DNAJB14: variants seen among roughly 807,000 people sequenced by gnomAD.
The protein encoded by DNAJB14 is DnaJ heat shock protein family (Hsp40) member B14, also known as dnaJ homolog subfamily B member 14.
A neutral mutation model predicts 48.4 loss-of-function variants in DNAJB14; 22 were observed. The ratio of observed to expected loss-of-function variants is 0.45; its 90% CI spans 0.32 to 0.65. DNAJB14 has a LOEUF of 0.65. Ranked by LOEUF, DNAJB14 falls within the 30% of genes least tolerant of loss-of-function variation. The pLI is 0.03. For missense variants in DNAJB14, 319 were observed against 458.8 expected (o/e 0.70, Z 2.78); for synonymous variants, 142 against 158.7 (o/e 0.89, Z 0.79).
intron 4 of DNAJB14, among the ~76,000 whole-genome samples, chr4:99,908,234 A>G (rs1725534918): frequency 6.6e-6 from 1 of 152,188 alleles, no homozygotes; most frequent in Non-Finnish European, 1.5e-5. Flanking sequence ...CTTACTTTGT[A>G]TATAACCTAT....
rs2110187109 is a variant in DNAJB14 at position 99,896,946 on chromosome 4, C to CGTAA, written c.*4081_*4082insTTAC. 1.3e-5 allele frequency: 2 copies of CGTAA among 152,100 alleles called. No individual in the cohort carries two copies. Among genetic ancestry groups the CGTAA allele is most frequent in the Admixed American group, 1.3e-4 (2 of 15,300 alleles). The allele number at this position is 152,100 out of a possible 1,614,324, so 9.4% of individuals were successfully genotyped here. On this transcript the variant is annotated 3_prime_UTR_variant, in exon 8 of 8. Transcript: ENST00000442697. ...GACATTTCAAGAAATACTTCTTACC[C>CGTAA]CTATGTATTTCCAGATGGCTGGATA...
chr4:99,938,912 A>T (rs1726788710), intron 1 of DNAJB14, among the ~76,000 whole-genome samples: 1 of 152,206 alleles, frequency 6.6e-6, no homozygotes, highest in African/African-American at 2.4e-5. Context: ...TCAAGCATTT[A>T]TCATGATTTT....
intron 2 of DNAJB14, chr4:99,924,808 A>G (rs1726190488): frequency 1.3e-6 from 2 of 1,581,784 alleles, no homozygotes; most frequent in African/African-American, 2.7e-5. Flanking sequence ...TCCAATATCC[A>G]TAAAGCTCTG....
intron 3 of DNAJB14, among the ~76,000 whole-genome samples, chr4:99,911,933 G>A (rs1157854778): frequency 2.6e-5 from 4 of 152,020 alleles, no homozygotes; most frequent in Non-Finnish European, 2.9e-5. Context: ...CTGTGCTTTT[G>A]GGATTAAGTC....
chr4:99,939,661 TAC>T (rs1394713752), intron 1 of DNAJB14, among the ~76,000 whole-genome samples: 7 of 152,248 alleles, frequency 4.6e-5, no homozygotes, highest in Admixed American at 4.6e-4. Flanking sequence ...GAGCTCATAC[TAC>T]ACAGTCTTTG....
In DNAJB14 at chr4:99,924,077, C is replaced by T. The variant is rs112077518; in HGVS notation, c.306-892G>A. On this transcript the variant is annotated intron_variant, in intron 2 of 7. Transcript: ENST00000442697. ...ACTCTGAATGGAACAGAGAACATTACGTACATGTGGATGCCAACCTTCTTC... is the reference window on the plus strand; with the variant it reads ...ACTCTGAATGGAACAGAGAACATTATGTACATGTGGATGCCAACCTTCTTC... 1.4e-4 allele frequency among the ~76,000 whole-genome samples: 21 copies of T among 152,214 alleles called. 1 individual carries two copies. Among genetic ancestry groups the T allele is most frequent in the Admixed American group, 2.6e-4 (4 of 15,282 alleles).
intron 3 of DNAJB14, among the ~76,000 whole-genome samples, chr4:99,916,107 T>C (rs932277920): frequency 3.9e-5 from 6 of 152,204 alleles, no homozygotes; most frequent in African/African-American, 1.4e-4. Context: ...TATAGTGTTA[T>C]CAAATAATTT....
At chr4:99,935,795 C>T (rs865802059) in intron 1 of DNAJB14, among the ~76,000 whole-genome samples, 43 of 152,224 alleles carry the variant, frequency 2.8e-4, no homozygotes, top group Admixed American at 2.6e-3. Flanking sequence ...TGGCCAGGTG[C>T]GGTGGCTCAC....
At chr4:99,927,993 GA>G in intron 2 of DNAJB14, 1 of 152,082 alleles carries the variant, frequency 6.6e-6, no homozygotes, top group East Asian at 1.9e-4. Flanking sequence ...AAAGTATTTT[GA>G]AAACTTGGGG....
In DNAJB14 at chr4:99,897,197, A is replaced by T. The variant is rs1157629118; in HGVS notation, c.*3831T>A. On this transcript the variant is annotated 3_prime_UTR_variant, in exon 8 of 8. Transcript: ENST00000442697. ...GAGGTAATTAGCTGGGAAAAAAAAA[A>T]AAAAATATATATATATATATATACA... 13 of 137,462 alleles carry T rather than the reference A, an allele frequency of 9.5e-5. No homozygotes were observed. Among genetic ancestry groups the T allele is most frequent in the Non-Finnish European group, 1.4e-4 (9 of 64,946 alleles). 8.5% of individuals were successfully genotyped at this position (137,462 alleles called of 1,614,324 possible). A position where few individuals can be genotyped will look rare whatever the true frequency, so the allele number is the denominator to read the frequency against.
rs148912535 is a variant in DNAJB14, at chr4:99,897,219, T to TATATATATAC, written c.*3808_*3809insGTATATATAT. The TATATATATAC allele has an allele frequency of 6.8e-6, 1 of 146,124 alleles. No homozygotes were observed. The highest frequency in any genetic ancestry group is 1.5e-5 in the Non-Finnish European group (1 of 66,660). 9.1% of individuals were successfully genotyped at this position (146,124 alleles called of 1,614,324 possible). On this transcript the variant is annotated 3_prime_UTR_variant, in exon 8 of 8. Coordinates refer to ENST00000442697, the MANE Select transcript of DNAJB14 (RefSeq NM_001031723.4). ...AAAAAAAAATATATATATATATATA[T>TATATATATAC]ACACCTATACATAGACACATCCACA...
chr4:99,940,800 A>C (rs1171293930), intron 1 of DNAJB14, among the ~76,000 whole-genome samples: 1 of 152,004 alleles, frequency 6.6e-6, no homozygotes, highest in Non-Finnish European at 1.5e-5. Context: ...CATATTAGAG[A>C]TATCACCTTA....
intron 1 of DNAJB14, among the ~76,000 whole-genome samples, chr4:99,946,220 G>C (rs1190550944): frequency 6.6e-6 from 1 of 152,220 alleles, no homozygotes; most frequent in African/African-American, 2.4e-5. Context: ...GGCGGGTGCA[G>C]AGGAACCTCG....
rs768922008 is a variant in DNAJB14, at chr4:99,930,517, C to G, written c.238G>C (p.Asp80His). Residue 80 changes from aspartate (D) to histidine (H), a missense_variant, in exon 2 of 8, where the codon GAC (aspartate) becomes CAC (histidine). Asp to His is a moderately conservative substitution (Grantham distance 81, BLOSUM62 -1). This residue lies in a region of DNAJB14 where 116 missense variants were observed against 134.6 expected (regional missense o/e 0.86). Coordinates refer to ENST00000442697, the MANE Select transcript of DNAJB14 (RefSeq NM_001031723.4). The stretch of plus-strand genomic sequence containing the variant: ...CCTTCACCACTACCAGATGTGCTGT[C>G]CTTTGTGCAATTAGGCTTGCTTTGA... ...GDQSKPNCTK[D>H]STSGSGEGGK... 2.5e-6 allele frequency: 4 copies of G among 1,613,104 alleles called. No individual in the cohort carries two copies. The highest frequency in any genetic ancestry group is 3.4e-6 in the Non-Finnish European group (4 of 1,179,434).
intron 1 of DNAJB14, among the ~76,000 whole-genome samples, chr4:99,935,777 GAC>G (rs1175340438): frequency 1.3e-5 from 2 of 152,132 alleles, no homozygotes; most frequent in African/African-American, 4.8e-5. Flanking sequence ...GGACTCAAGA[GAC>G]AGTCATGGCC....
chr4:99,937,505 A>C (rs558910252), intron 1 of DNAJB14, among the ~76,000 whole-genome samples: 23 of 152,032 alleles, frequency 1.5e-4, no homozygotes, highest in African/African-American at 5.1e-4. Context: ...TGGGCTGATC[A>C]CTTGAGCCCA....
In DNAJB14 at chr4:99,906,564, G is replaced by A. The variant is rs1352627267; in HGVS notation, c.685C>T (p.His229Tyr). Reference sequence around the variant, plus strand: ...TCATGTCCACTATGTCGATGCTGATGTTGTTGGCTATAACCAGCTCTTCCA... The same window carrying A: ...TCATGTCCACTATGTCGATGCTGATATTGTTGGCTATAACCAGCTCTTCCA... Reference protein sequence around the residue: ...SNGRAGYSQQHQHRHSGHERE... With the variant: ...SNGRAGYSQQYQHRHSGHERE... Residue 229 changes from histidine to tyrosine, a missense_variant, in exon 5 of 8, where the codon CAT becomes TAT. His to Tyr is a moderately conservative substitution (Grantham distance 83). This residue lies in a region of DNAJB14 where 166 missense variants were observed against 236.3 expected (regional missense o/e 0.70). Coordinates refer to ENST00000442697, the MANE Select transcript of DNAJB14 (RefSeq NM_001031723.4). 4 of 1,611,418 alleles carry A rather than the reference G, an allele frequency of 2.5e-6. No homozygotes were observed. The highest frequency in any genetic ancestry group is 2.7e-5 in the African/African-American group (2 of 74,818).
intron 2 of DNAJB14, chr4:99,924,680 TAG>T (rs1726183189): frequency 6.3e-7 from 1 of 1,582,918 alleles, no homozygotes; most frequent in African/African-American, 1.4e-5. Flanking sequence ...CCCACCTGTG[TAG>T]AGACTCATTC....
intron 5 of DNAJB14, chr4:99,906,255 C>T: frequency 1.6e-6 from 2 of 1,258,882 alleles, no homozygotes; most frequent in Non-Finnish European, 2.1e-6. Context: ...AACAAGTTAC[C>T]TTCACAACAT....
Sources: allele counts gnomAD v4.1 joint callset (sites outside exome capture counted in the v4.1 genomes callset), GRCh38; gene constraint gnomAD v4.1.1; regional missense constraint gnomAD v4.1.1; transcripts MANE v1.5; gene names NCBI Gene and HGNC (gene_info 2026-07-23, HGNC 2026-07-21).